The following GRM6 variants were observed in gnomAD, a reference collection of about 807,000 sequenced individuals.
GRM6 encodes glutamate metabotropic receptor 6, also known as metabotropic glutamate receptor 6.
In GRM6, 73 loss-of-function variants were observed where a neutral mutation model predicts 78.4. The ratio of observed to expected loss-of-function variants is 0.93; its 90% confidence interval spans 0.77 to 1.13. The LOEUF (loss-of-function observed/expected upper bound fraction) is 1.13. Ranked by LOEUF, GRM6 falls within the 50% of genes most tolerant of loss-of-function variation. The probability of loss-of-function intolerance (pLI) is 0.00; values close to 1 mark genes in which losing one functional copy is unlikely to be tolerated. For synonymous variants in GRM6, 580 were observed against 555.0 expected, an observed-to-expected ratio of 1.05 and a Z score of -0.63; for missense variants, 1,251 against 1,256.4, an observed-to-expected ratio of 1.00 and a Z score of 0.07.
At position 178,981,424 on chromosome 5, in the gene GRM6, A is replaced by G. The variant is rs1760392017; in HGVS notation, c.*233T>C. The G allele has an allele frequency of 2.0e-6, 1 of 489,292 alleles. No homozygotes were observed. The highest frequency in any genetic ancestry group is 3.7e-6 in the Non-Finnish European group (1 of 271,804). The allele number at this position is 489,292 out of a possible 1,614,324, so 30.3% of individuals were successfully genotyped here. ...AGAACCTTCTCGGTGGCTGTTTCCC[A>G]CCATGGGAAGCGAGTCTGGTCTGTG... is the stretch of plus-strand genomic sequence containing the variant. On this transcript the variant is annotated 3_prime_UTR_variant, in exon 11 of 11. Coordinates refer to ENST00000517717, the MANE Select transcript of GRM6 (RefSeq NM_000843.4). This position sits in a 1 kb window ranked among gnomAD's most constrained non-coding sequence, Gnocchi z 5.1.
chr5:178,994,722 C>A lies in GRM6; in HGVS notation c.223G>T (p.Ala75Ser), dbSNP rs1403675272. 2.0e-6 allele frequency: 3 copies of A among 1,466,054 alleles called. No individual in the cohort carries two copies. In the African/African-American group the frequency reaches 4.4e-5, roughly 22 times the overall value. The allele number at this position is 1,466,054 out of a possible 1,614,324, so 90.8% of individuals were successfully genotyped here. A position where few individuals can be genotyped will look rare whatever the true frequency, so the allele number is the denominator to read the frequency against. ...GGGTCGGCGTTGACGCGGTCCAGCG[C>A]GTACAGCATGGCCTCCAGCCGGTGC... ...GVHRLEAMLYALDRVNADPEL... is the reference protein window; with the variant it reads ...GVHRLEAMLYSLDRVNADPEL... The change falls in exon 2 of 11, where the codon GCG becomes TCG. Residue 75 changes from alanine (A) to serine (S), a missense_variant. Transcript: ENST00000517717.
intron 2 of GRM6, among the ~76,000 whole-genome samples, chr5:178,993,317 C>T (rs1188886997): frequency 6.6e-6 from 1 of 152,154 alleles, no homozygotes; most frequent in African/African-American, 2.4e-5. Context: ...TCTCTGCATT[C>T]GACCTAGAGG....
chr5:178,991,988 C>G lies in GRM6; in HGVS notation c.600G>C (p.Gln200His). ...TCACGATGTCCACCATGGCCTGCGC[C>G]TGGTAGGAGTCGGGTGGCACCACCC... ...FSRVVPPDSYQAQAMVDIVRA... is the reference protein window; with the variant it reads ...FSRVVPPDSYHAQAMVDIVRA... The change falls in exon 3 of 11, where the codon CAG becomes CAC. Residue 200 changes from glutamine to histidine, a missense_variant. Transcript: ENST00000517717. The surrounding 1 kb of genome is among the most constrained non-coding windows in gnomAD (Gnocchi z 5.0). 1 of 1,613,994 alleles carries G rather than the reference C, an allele frequency of 6.2e-7. No individual in the cohort carries two copies. The highest frequency in any genetic ancestry group is 8.5e-7 in the Non-Finnish European group (1 of 1,179,872).
chr5:178,990,824 C>A (rs1332915889), intron 4 of GRM6, 78 bp from the exon 5 acceptor site: 3 of 1,180,410 alleles, frequency 2.5e-6, no homozygotes, highest in East Asian at 5.1e-5. Context: ...CCACTCTATC[C>A]ATCTCCCCTG....
intron 10 of GRM6, chr5:178,982,688 A>G: frequency 2.5e-6 from 1 of 402,014 alleles, no homozygotes; most frequent in East Asian, 3.7e-5. Flanking sequence ...AGAAATGAAA[A>G]TGATAAAAAA....
chr5:178,986,263 C>T lies in GRM6; in HGVS notation c.1991G>A (p.Ser664Asn), dbSNP rs924018426. 1.2e-6 allele frequency: 2 copies of T among 1,614,154 alleles called. No homozygotes were observed. Among genetic ancestry groups the T allele is most frequent in the Non-Finnish European group, 1.7e-6 (2 of 1,180,010 alleles). The change falls in exon 9 of 11, where the codon AGC becomes AAC. Residue 664 changes from serine to asparagine, a missense_variant. Transcript: ENST00000517717. ...RLFLGLGTTLSYSALLTKTNR... is the reference protein window; with the variant it reads ...RLFLGLGTTLNYSALLTKTNR... ...GGTCTTGGTGAGCAGGGCAGAGTAG[C>T]TGAGGGTCGTGCCCAGGCCCAGGAA...
In GRM6 at chr5:178,986,318, C is replaced by T. The variant is rs773325552; in HGVS notation, c.1936G>A (p.Gly646Arg). The stretch of plus-strand genomic sequence containing the variant: ...CTGCGGGCGGCACAGACCGCGGCCC[C>T]AGGCTCAGCCACCATGAGGAAGGTG... ...AITFLMVAEP[G>R]AAVCAARRLF... is the part of the protein sequence containing the mutation. Residue 646 changes from glycine (G) to arginine (R), a missense_variant, in exon 9 of 11, where the codon GGG becomes AGG. Physicochemically the swap from Gly to Arg is moderately radical, Grantham distance 125. Coordinates refer to ENST00000517717, the MANE Select transcript of GRM6 (RefSeq NM_000843.4). 1 of 1,614,060 alleles carries T rather than the reference C, an allele frequency of 6.2e-7. No homozygotes were observed. Among genetic ancestry groups the T allele is most frequent in the Admixed American group, 1.7e-5 (1 of 60,022 alleles).
In GRM6 at chr5:178,981,543, G is replaced by T; in HGVS notation, c.*114C>A. The T allele has an allele frequency of 1.2e-6, 1 of 809,822 alleles. No individual in the cohort carries two copies. The highest frequency in any genetic ancestry group is 1.7e-5 in the South Asian group (1 of 60,112). 50.2% of individuals were successfully genotyped at this position (809,822 alleles called of 1,614,324 possible). A position where few individuals can be genotyped will look rare whatever the true frequency, so the allele number is the denominator to read the frequency against. On this transcript the variant is annotated 3_prime_UTR_variant, in exon 11 of 11. Coordinates refer to ENST00000517717, the MANE Select transcript of GRM6 (RefSeq NM_000843.4). This position sits in a 1 kb window ranked among gnomAD's most constrained non-coding sequence, Gnocchi z 5.1. Reference sequence around the variant, plus strand: ...CCCCACCGACGCGGAGCATGGTCTTGGCAAACTCCCTGCCACTGACTGTTC... The same window carrying T: ...CCCCACCGACGCGGAGCATGGTCTTTGCAAACTCCCTGCCACTGACTGTTC...
In GRM6 at chr5:178,985,574, G is replaced by A. The variant is rs1312228158; in HGVS notation, c.2124+556C>T. ...AAAAATTAGCCGGGCGTGGTGGCGG[G>A]CGCCTGTAGTCCCAGCTACTCGGGA... is the stretch of plus-strand genomic sequence containing the variant. On this transcript the variant is annotated intron_variant, in intron 9 of 10. Transcript: ENST00000517717. 8.2e-5 allele frequency: 28 copies of A among 339,546 alleles called. 1 individual carries two copies. The highest frequency in any genetic ancestry group is 2.3e-4 in the South Asian group (10 of 44,358). The allele number at this position is 339,546 out of a possible 1,614,324, so 21.0% of individuals were successfully genotyped here.
At chr5:178,993,395 C>T (rs539799017) in intron 2 of GRM6, among the ~76,000 whole-genome samples, 3 of 152,268 alleles carry the variant, frequency 2.0e-5, no homozygotes, top group Admixed American at 1.3e-4. Flanking sequence ...AACCCCTGGG[C>T]GGCCGCACAG....
chr5:178,989,215 T>TGCCCCCC, intron 6 of GRM6, 50 bp downstream of exon 6: 1 of 886,690 alleles, frequency 1.1e-6, no homozygotes, highest in Non-Finnish European at 1.6e-6. Flanking sequence ...CTCCCCACCC[T>TGCCCCCC]CACCACCCTC....
rs1434159207 is a variant in GRM6 at position 178,989,396 on chromosome 5, T to C, written c.1022A>G (p.Gln341Arg). 1 of 1,614,096 alleles carries C rather than the reference T, an allele frequency of 6.2e-7. No homozygotes were observed. The highest frequency in any genetic ancestry group is 2.2e-5 in the East Asian group (1 of 44,876). Residue 341 changes from glutamine to arginine, a missense_variant, in exon 6 of 11, where the codon CAG becomes CGG. Transcript: ENST00000517717. ...CTCCAGGGATCGAGTCATGAAGTACTGGTCAAATCCTACAGACAGGGAAGA... is the reference window on the plus strand; with the variant it reads ...CTCCAGGGATCGAGTCATGAAGTACCGGTCAAATCCTACAGACAGGGAAGA... ...PKRASIDGFD[Q>R]YFMTRSLENN... is the part of the protein sequence containing the mutation.
At chr5:178,985,165 C>T in intron 9 of GRM6, 3 of 422,066 alleles carry the variant, frequency 7.1e-6, no homozygotes, top group South Asian at 5.2e-5. Flanking sequence ...GCAGCAGAGA[C>T]TCCCTTGTGG....
Position 178,986,494 on chromosome 5 carries a change from G to C in GRM6, c.1760C>G (p.Ala587Gly). 6.2e-7 allele frequency: 1 copy of C among 1,610,360 alleles called. No homozygotes were observed. The highest frequency in any genetic ancestry group is 1.1e-5 in the South Asian group (1 of 90,966). ...CAGCACGGCCAGGAGGAGCGGCGGG[G>C]CTGCCCAGGGGGAGGACCAGCTCAG... ...VRLSWSSPWA[A>G]PPLLLAVLGI... Residue 587 changes from alanine (A) to glycine (G), a missense_variant, in exon 9 of 11, where the codon GCC (alanine) becomes GGC (glycine). Transcript: ENST00000517717.
intron 5 of GRM6, 125 bp downstream of exon 5, chr5:178,990,467 G>C: frequency 1.2e-6 from 1 of 834,214 alleles, no homozygotes; most frequent in Non-Finnish European, 2.1e-6. Context: ...GGACTCATAG[G>C]ATCTGGGGAT....
intron 9 of GRM6, chr5:178,983,629 A>G (rs1391278213): frequency 1.3e-5 from 5 of 378,116 alleles, no homozygotes; most frequent in Non-Finnish European, 2.1e-5. Flanking sequence ...TCGCCTCTCT[A>G]GCCTCCTCAC....
At chr5:178,985,064 C>G (rs559834093) in intron 9 of GRM6, among the ~76,000 whole-genome samples, 1 of 152,116 alleles carries the variant, frequency 6.6e-6, no homozygotes, top group Non-Finnish European at 1.5e-5. Context: ...ACGGCCAGCA[C>G]GAAACGCTGG....
chr5:178,984,323 A>G (rs1760466785), intron 9 of GRM6, among the ~76,000 whole-genome samples: 1 of 152,172 alleles, frequency 6.6e-6, no homozygotes, highest in Admixed American at 6.5e-5. Flanking sequence ...CCTGCAAAAT[A>G]ACAGCAAATG....
chr5:178,992,116 TGGA>T lies in GRM6; in HGVS notation c.505-36_505-34del. ...GCAGGAAGGACAGCTGGGCTGTGGA[TGGA>T]GGTCAGTAACTCAAGAGAGGGAGGG... On this transcript the variant is annotated intron_variant, in intron 2 of 10. Transcript: ENST00000517717. This position sits in a 1 kb window ranked among gnomAD's most constrained non-coding sequence, Gnocchi z 4.9. The T allele has an allele frequency of 1.3e-6, 2 of 1,490,564 alleles. No homozygotes were observed. Among genetic ancestry groups the T allele is most frequent in the Non-Finnish European group, 1.9e-6 (2 of 1,070,532 alleles). The allele number at this position is 1,490,564 out of a possible 1,614,324, so 92.3% of individuals were successfully genotyped here. A position where few individuals can be genotyped will look rare whatever the true frequency, so the allele number is the denominator to read the frequency against.
Sources: gnomAD v4.1 joint callset for allele counts (sites outside exome capture counted in the v4.1 genomes callset) on GRCh38, gnomAD v4.1.1 for gene constraint, Gnocchi (gnomAD v3.1) non-coding constraint, MANE v1.5 for transcripts, NCBI Gene and HGNC (gene_info 2026-07-23, HGNC 2026-07-21) for gene names.